Variants in KLRG1 observed in about 807,000 individuals in gnomAD.
The protein encoded by KLRG1 is killer cell lectin-like receptor subfamily G member 1.
A neutral mutation model predicts 21.8 loss-of-function variants in KLRG1; 16 were observed. The observed-to-expected ratio is 0.73, with a 90% CI of 0.50 to 1.11. The LOEUF (loss-of-function observed/expected upper bound fraction) is 1.11, where lower values mean the gene tolerates loss of function less well. Among genes scored for constraint, KLRG1 ranks in the 50% most tolerant of loss-of-function variants. The pLI is 0.00. For missense variants in KLRG1, 173 were observed against 218.3 expected (o/e 0.79, Z 1.31); for synonymous variants, 69 against 75.9 (o/e 0.91, Z 0.47).
chr12:9,007,487 T>A (rs1347165367), intron 3 of KLRG1, among the ~76,000 whole-genome samples: 4 of 152,174 alleles, frequency 2.6e-5, no homozygotes, highest in African/African-American at 9.7e-5. Context: ...ACCAGGCTGG[T>A]CTCAAACTTC....
the KLRG1 span, chr12:9,164,195 G>A: frequency 6.2e-7 from 1 of 1,610,220 alleles, no homozygotes; most frequent in Admixed American, 1.7e-5. Context: ...GATACAATAG[G>A]ATTCTTCTCC....
the KLRG1 span, among the ~76,000 whole-genome samples, chr12:9,097,568 A>G: frequency 6.6e-6 from 1 of 151,994 alleles, no homozygotes; most frequent in Non-Finnish European, 1.5e-5. Context: ...CTCAGAGATA[A>G]TACATATGTT....
the KLRG1 span, chr12:9,157,507 C>T: frequency 2.5e-5 from 21 of 830,728 alleles, no homozygotes; most frequent in South Asian, 1.9e-4. Context: ...AAAAATATTT[C>T]GATCTCTTCC....
intron 3 of KLRG1, among the ~76,000 whole-genome samples, chr12:9,005,785 G>T (rs1035149415): frequency 1.3e-5 from 2 of 152,208 alleles, no homozygotes; most frequent in African/African-American, 4.8e-5. Context: ...TCAGGCATTA[G>T]TTAGATTTTC....
At chr12:9,108,794 A>G in the KLRG1 span, among the ~76,000 whole-genome samples, 1 of 152,218 alleles carries the variant, frequency 6.6e-6, no homozygotes, top group Non-Finnish European at 1.5e-5. Flanking sequence ...GTCAGTGCAG[A>G]CAGGTATGTA....
the KLRG1 span, chr12:9,149,597 A>G: frequency 1.2e-6 from 2 of 1,612,888 alleles, no homozygotes; most frequent in Admixed American, 3.3e-5. Context: ...GCAACCACAG[A>G]CTCATCTGAA....
At chr12:9,007,541 G>A (rs1318815017) in intron 3 of KLRG1, among the ~76,000 whole-genome samples, 1 of 152,182 alleles carries the variant, frequency 6.6e-6, no homozygotes, top group African/African-American at 2.4e-5. Flanking sequence ...TAAGTGCTGG[G>A]ATCACAGGTG....
the KLRG1 span, among the ~76,000 whole-genome samples, chr12:9,134,816 G>A: frequency 5.9e-5 from 9 of 152,348 alleles, no homozygotes; most frequent in South Asian, 1.9e-3. Context: ...TCTGCAGCCA[G>A]GGGTGGAGGC....
the KLRG1 span, among the ~76,000 whole-genome samples, chr12:9,110,897 A>C: frequency 1.3e-5 from 2 of 152,172 alleles, no homozygotes; most frequent in East Asian, 3.8e-4. Context: ...AGTGCCATTT[A>C]CTAAAAATGG....
At chr12:9,186,871 G>A in the KLRG1 span, among the ~76,000 whole-genome samples, 1 of 150,798 alleles carries the variant, frequency 6.6e-6, no homozygotes, top group Non-Finnish European at 1.5e-5. Flanking sequence ...GCTGGGGGAG[G>A]GATAGCATTA....
chr12:8,998,705 A>G (rs895263927), intron 3 of KLRG1, among the ~76,000 whole-genome samples: 1 of 144,474 alleles, frequency 6.9e-6, no homozygotes, highest in South Asian at 2.2e-4. Context: ...AAAAAAAAAA[A>G]TCCACATCAA....
intron 1 of KLRG1, among the ~76,000 whole-genome samples, chr12:8,962,179 A>G (rs1221661372): frequency 6.6e-6 from 1 of 152,210 alleles, no homozygotes; most frequent in Non-Finnish European, 1.5e-5. Flanking sequence ...AGCTGATAGA[A>G]TTATCAGCAA....
the KLRG1 span, among the ~76,000 whole-genome samples, chr12:9,025,649 A>G: frequency 2.0e-5 from 3 of 152,272 alleles, no homozygotes; most frequent in East Asian, 3.9e-4. Flanking sequence ...AAAAAACCCA[A>G]AAAATATGCA....
the KLRG1 span, among the ~76,000 whole-genome samples, chr12:9,025,403 G>A: frequency 5.3e-5 from 8 of 152,138 alleles, no homozygotes; most frequent in African/African-American, 1.4e-4. Context: ...TTGGGAGGCC[G>A]AGGCAGGCAG....
At chr12:8,955,108 G>A (rs896852180) in intron 1 of KLRG1, among the ~76,000 whole-genome samples, 3 of 151,928 alleles carry the variant, frequency 2.0e-5, no homozygotes, top group African/African-American at 4.8e-5. Context: ...GTAGAGATGG[G>A]GTTTCACCAT....
the KLRG1 span, chr12:9,036,448 T>C: frequency 5.9e-6 from 1 of 169,382 alleles, no homozygotes; most frequent in South Asian, 1.5e-4. Flanking sequence ...AAGGATTTGG[T>C]TTGGGGTTGG....
intron 1 of KLRG1, among the ~76,000 whole-genome samples, chr12:8,967,298 T>C (rs761274261): frequency 1.0e-3 from 152 of 152,172 alleles, no homozygotes; most frequent in Non-Finnish European, 1.3e-3. Flanking sequence ...AACAAACCTG[T>C]AAGTTGTGCA....
At chr12:9,021,403 C>CT in the KLRG1 span, among the ~76,000 whole-genome samples, 48,978 of 137,678 alleles carry the variant, frequency 0.36, 9,139 homozygotes, top group Non-Finnish European at 0.41. Context: ...CTTTTTTACT[C>CT]TTTTTTTTTT....
At chr12:9,045,836 T>C in the KLRG1 span, among the ~76,000 whole-genome samples, 1 of 152,024 alleles carries the variant, frequency 6.6e-6, no homozygotes, top group African/African-American at 2.4e-5. Context: ...GTGGTACATA[T>C]ACACCATGGA....
Sources: gnomAD v4.1 joint callset for allele counts (sites outside exome capture counted in the v4.1 genomes callset) on GRCh38, gnomAD v4.1.1 for gene constraint, MANE v1.5 for transcripts, NCBI Gene and HGNC (gene_info 2026-07-23, HGNC 2026-07-21) for gene names.